COL6A5: variants seen among roughly 807,000 people sequenced by gnomAD.
COL6A5 encodes the protein collagen alpha-5(VI) chain.
COL6A5 carries 48 observed loss-of-function variants against 65.6 expected under a neutral mutation model. The observed-to-expected ratio is 0.73, with a 90% CI of 0.58 to 0.93. COL6A5 has a LOEUF of 0.93. COL6A5 is among the 40% of genes least tolerant of loss of function. The pLI is 0.00. For missense variants in COL6A5, 914 were observed against 928.3 expected, an observed-to-expected ratio of 0.98 and a Z score of 0.20; for synonymous variants, 291 against 322.8, an observed-to-expected ratio of 0.90 and a Z score of 1.05.
intron 20 of COL6A5, among the ~76,000 whole-genome samples, chr3:130,413,183 C>CAGGAAATCCTGGACCTACAGGCA (rs1216272369): frequency 1.3e-5 from 2 of 151,922 alleles, no homozygotes; most frequent in Admixed American, 1.3e-4. Context: ...AGCTCTTCTC[C>CAGGAAATCCTGGACCTACAGGCA]CATGGGAAGG....
Position 130,423,860 on chromosome 3 carries a change from A to T in COL6A5, c.5123A>T (p.Glu1708Val), listed in dbSNP as rs1245884127. The stretch of plus-strand genomic sequence containing the variant: ...CAGCTCACTGTAGGCTTGAAAGGTG[A>T]AGAGGGATCTCGAGGACTCCCAGGC... The change falls in exon 29 of 42, where the codon GAA becomes GTA. Residue 1708 changes from glutamate (E) to valine (V), a missense_variant and NMD_transcript_variant. Coordinates refer to the COL6A5 transcript ENST00000312481. 6 of 1,549,848 alleles carry T rather than the reference A, an allele frequency of 3.9e-6. No individual in the cohort carries two copies. In the Admixed American group the frequency reaches 9.8e-5, roughly 25 times the overall value.
chr3:130,423,675 G>A (rs552156616), intron 28 of COL6A5, among the ~76,000 whole-genome samples, 163 bp from the exon 29 acceptor site: 1 of 152,140 alleles, frequency 6.6e-6, no homozygotes, highest in Non-Finnish European at 1.5e-5. Context: ...CTGTCATTAA[G>A]AATATATTGT....
At chr3:130,470,967 T>C (rs770978549) in exon 7 of COL6A5, 8 of 1,608,028 alleles carry the variant, frequency 5.0e-6, no homozygotes, top group Middle Eastern at 1.6e-4. Context: ...AACACTGTAT[T>C]GTGAGTTGAG....
At chr3:130,379,889 A>G (rs757832217) in exon 4 of COL6A5, 4 of 1,551,250 alleles carry the variant, frequency 2.6e-6, no homozygotes, top group South Asian at 2.4e-5. Flanking sequence ...AACAATACCC[A>G]GTTAGAAGAA....
At chr3:130,484,289 A>G (rs762810278) in exon 8 of COL6A5, 1 of 525,568 alleles carries the variant, frequency 1.9e-6, no homozygotes, top group Non-Finnish European at 3.3e-6. Context: ...ATTTCTCCTG[A>G]GAACTGGGGA....
At chr3:130,443,900 T>C (rs938269513) in intron 4 of COL6A5, among the ~76,000 whole-genome samples, 2 of 152,122 alleles carry the variant, frequency 1.3e-5, no homozygotes, top group African/African-American at 4.8e-5. Context: ...CTGGTCACAC[T>C]GAACTCTTAC....
At chr3:130,377,059 TC>T (rs1379780641) in intron 3 of COL6A5, among the ~76,000 whole-genome samples, 1 of 152,184 alleles carries the variant, frequency 6.6e-6, no homozygotes, top group Non-Finnish European at 1.5e-5. Flanking sequence ...CTTGAATAAC[TC>T]CTGTCATCAT....
chr3:130,403,374 T>G (rs1289408293), intron 12 of COL6A5, among the ~76,000 whole-genome samples: 1 of 151,732 alleles, frequency 6.6e-6, no homozygotes, highest in Non-Finnish European at 1.5e-5. Flanking sequence ...GTTCCAAAGG[T>G]CAGCCTCCCG....
chr3:130,467,802 G>T (rs1016781269), intron 5 of COL6A5, among the ~76,000 whole-genome samples: 10 of 151,978 alleles, frequency 6.6e-5, no homozygotes, highest in African/African-American at 2.2e-4. Flanking sequence ...TCTAATAAAG[G>T]GTTGAGTAGA....
intron 22 of COL6A5, among the ~76,000 whole-genome samples, chr3:130,414,798 C>T (rs1322031332): frequency 1.3e-5 from 2 of 151,980 alleles, no homozygotes; most frequent in African/African-American, 4.8e-5. Flanking sequence ...TGTAGCTGTG[C>T]CTATTCTAAG....
intron 1 of COL6A5, among the ~76,000 whole-genome samples, chr3:130,362,304 ATATATATATATATATATATATATTTT>A (rs1212296299): frequency 9.9e-3 from 76 of 7,660 alleles, no homozygotes; most frequent in East Asian, 0.037. Context: ...ATATATATAT[ATATATATATATATATATATATATTTT>A]TTTTTTTTTT....
chr3:130,420,265 G>A (rs972133274), intron 25 of COL6A5, among the ~76,000 whole-genome samples: 1 of 151,958 alleles, frequency 6.6e-6, no homozygotes, highest in Non-Finnish European at 1.5e-5. Flanking sequence ...CCACCATTTT[G>A]AGATATTTAT....
intron 7 of COL6A5, 58 bp downstream of exon 40, chr3:130,471,984 C>T (rs1274205932): frequency 6.8e-7 from 1 of 1,461,356 alleles, no homozygotes; most frequent in Admixed American, 2.1e-5. Flanking sequence ...GGATTTTCCC[C>T]TGGTGGAAGA....
chr3:130,460,100 A>C (rs1709669305), intron 5 of COL6A5, among the ~76,000 whole-genome samples: 1 of 152,124 alleles, frequency 6.6e-6, no homozygotes. Flanking sequence ...TTAAATCTGC[A>C]CTAGAATAAA....
chr3:130,416,794 G>A, exon 24 of COL6A5: 2 of 1,530,926 alleles, frequency 1.3e-6, no homozygotes, highest in East Asian at 2.5e-5. Context: ...GGGAGCACTG[G>A]AAGACCTGGA....
intron 7 of COL6A5, among the ~76,000 whole-genome samples, chr3:130,393,708 A>T (rs1247367768): frequency 6.6e-6 from 1 of 152,214 alleles, no homozygotes; most frequent in Non-Finnish European, 1.5e-5. Context: ...GACATAGGCT[A>T]AACAAAGCTC....
chr3:130,427,493 T>C (rs1577499056), upstream of COL6A5, among the ~76,000 whole-genome samples: 1 of 152,100 alleles, frequency 6.6e-6, no homozygotes, highest in East Asian at 1.9e-4. Context: ...CAAGGATGAG[T>C]AAGCAGAGGA....
intron 8 of COL6A5, 47 bp from the exon 9 acceptor site, chr3:130,397,536 T>C: frequency 7.0e-7 from 1 of 1,431,172 alleles, no homozygotes; most frequent in South Asian, 1.4e-5. Flanking sequence ...TCTCCTTCCT[T>C]ACTCCTGTCT....
chr3:130,455,426 G>C (rs1250569816), intron 4 of COL6A5, 29 bp from the exon 37 acceptor site: 1 of 1,419,056 alleles, frequency 7.0e-7, no homozygotes, highest in Admixed American at 1.8e-5. Flanking sequence ...AAGTTATCTA[G>C]ACTCACCTAA....
Sources: gnomAD v4.1 joint callset for allele counts (sites outside exome capture counted in the v4.1 genomes callset) on GRCh38, gnomAD v4.1.1 for gene constraint, MANE v1.5 for transcripts, NCBI Gene and HGNC (gene_info 2026-07-23, HGNC 2026-07-21) for gene names.